CFAP92: variants seen among roughly 807,000 people sequenced by gnomAD.
The protein encoded by CFAP92 is uncharacterized protein CFAP92.
CFAP92 carries 86 observed loss-of-function variants against 106.3 expected under a neutral mutation model. The ratio of observed to expected loss-of-function variants is 0.81; its 90% confidence interval spans 0.68 to 0.97. The LOEUF is 0.97. CFAP92 is among the 50% of genes least tolerant of loss of function. The probability of loss-of-function intolerance (pLI) is 0.00; values close to 1 mark genes in which losing one functional copy is unlikely to be tolerated. For synonymous variants in CFAP92, 477 were observed against 506.4 expected (o/e 0.94, Z 0.78); for missense variants, 1,204 against 1,283.8 (o/e 0.94, Z 0.95).
intron 12 of CFAP92, among the ~76,000 whole-genome samples, chr3:128,924,516 C>G (rs1205435318): frequency 7.4e-6 from 1 of 135,550 alleles, no homozygotes; most frequent in Non-Finnish European, 1.5e-5. Context: ...GCGATCTTGG[C>G]TCACTGCAAC....
At chr3:129,008,949 C>G in the CFAP92 span, among the ~76,000 whole-genome samples, 1 of 148,876 alleles carries the variant, frequency 6.7e-6, no homozygotes, top group African/African-American at 2.5e-5. Context: ...TCAAATCCCA[C>G]AAAATAGTCC....
chr3:128,986,442 G>A (rs113045357), intron 4 of CFAP92, among the ~76,000 whole-genome samples: 31 of 151,752 alleles, frequency 2.0e-4, no homozygotes, highest in African/African-American at 7.0e-4. Context: ...GTCTTGCCAC[G>A]TTACCCAGGC....
chr3:128,965,331 G>A (rs1305033138), intron 9 of CFAP92, among the ~76,000 whole-genome samples, 180 bp downstream of exon 9: 1 of 152,134 alleles, frequency 6.6e-6, no homozygotes, highest in Non-Finnish European at 1.5e-5. Context: ...CCTGCACCCA[G>A]GTGAAATAAA....
At chr3:129,003,303 C>A (rs1007545316), upstream of CFAP92, 8 of 984,758 alleles carry the variant, frequency 8.1e-6, no homozygotes, top group African/African-American at 1.4e-4. Context: ...TTATTGAGCA[C>A]CTACTATGTG....
chr3:128,995,195 G>A (rs940412744), upstream of CFAP92, among the ~76,000 whole-genome samples: 2 of 152,216 alleles, frequency 1.3e-5, no homozygotes, highest in Non-Finnish European at 2.9e-5. Context: ...AAACTGTGGC[G>A]CAGCTGGGGC....
chr3:128,914,677 G>T (rs781351469), intron 15 of CFAP92: 2 of 163,022 alleles, frequency 1.2e-5, no homozygotes, highest in African/African-American at 4.8e-5. Context: ...CAAGACCTAC[G>T]TTTCCTGTCT....
At chr3:128,963,472 C>T (rs1008398556) in intron 9 of CFAP92, among the ~76,000 whole-genome samples, 11 of 152,244 alleles carry the variant, frequency 7.2e-5, no homozygotes, top group African/African-American at 2.6e-4. Context: ...TTCTGCTCCC[C>T]GGCTCCTTCA....
chr3:128,913,056 A>C (rs908280060), intron 15 of CFAP92: 2 of 455,336 alleles, frequency 4.4e-6, no homozygotes, highest in African/African-American at 4.0e-5. Flanking sequence ...AGGCACTTAA[A>C]ACATGTACCA....
upstream of CFAP92, among the ~76,000 whole-genome samples, chr3:128,998,897 C>T (rs1413784283): frequency 6.6e-6 from 1 of 152,216 alleles, no homozygotes; most frequent in Non-Finnish European, 1.5e-5. Context: ...GCAACCACTA[C>T]ACCATGAAGA....
intron 12 of CFAP92, among the ~76,000 whole-genome samples, chr3:128,932,303 A>G (rs925516962): frequency 2.6e-5 from 4 of 152,108 alleles, no homozygotes; most frequent in African/African-American, 9.7e-5. Flanking sequence ...TCCCTCTGTC[A>G]TGCAGATTAG....
chr3:128,994,107 C>A (rs554979921), upstream of CFAP92: 78 of 985,736 alleles, frequency 7.9e-5, no homozygotes, highest in South Asian at 2.9e-3. Flanking sequence ...CAGGGAGGGC[C>A]GCAGGCCCAG....
chr3:128,975,772 AACTT>A lies in CFAP92; in HGVS notation c.1021+3_1021+6del. On this transcript the variant is annotated splice_donor_5th_base_variant and intron_variant, in intron 7 of 15. Transcript: ENST00000645291. ...TTATAAAATTCCCAAATCCTATCCT[AACTT>A]ACTTTGAGACCTTTGTCTGTCTAAT... The A allele has an allele frequency of 6.3e-7, 1 of 1,579,474 alleles. No individual in the cohort carries two copies. The highest frequency in any genetic ancestry group is 8.6e-7 in the Non-Finnish European group (1 of 1,164,056).
chr3:128,949,995 T>C (rs1201083203), intron 9 of CFAP92, among the ~76,000 whole-genome samples: 2 of 152,194 alleles, frequency 1.3e-5, no homozygotes, highest in Non-Finnish European at 2.9e-5. Flanking sequence ...GCCTGATCTA[T>C]ACATAATTTT....
At chr3:129,017,358 CTT>C in the CFAP92 span, among the ~76,000 whole-genome samples, 1 of 152,240 alleles carries the variant, frequency 6.6e-6, no homozygotes, top group Admixed American at 6.5e-5. Context: ...TCACCACACT[CTT>C]AGTGACTTGA....
intron 2 of CFAP92, chr3:128,991,917 C>CTGGAA: frequency 1.0e-6 from 1 of 981,074 alleles, no homozygotes; most frequent in African/African-American, 1.7e-5. Flanking sequence ...TCATATTGGG[C>CTGGAA]TGGAACCATG....
intron 10 of CFAP92, among the ~76,000 whole-genome samples, chr3:128,944,157 T>C (rs551807757): frequency 1.3e-5 from 2 of 152,172 alleles, no homozygotes; most frequent in East Asian, 1.9e-4. Flanking sequence ...CTTGAACTCC[T>C]GGGCTCAAGT....
the CFAP92 span, among the ~76,000 whole-genome samples, chr3:129,009,754 C>T: frequency 1.3e-5 from 2 of 152,200 alleles, no homozygotes; most frequent in South Asian, 4.1e-4. Context: ...CCTGTGGCAG[C>T]TCAAGACTGT....
At chr3:128,971,478 T>C in intron 7 of CFAP92, 45 bp from the exon 8 acceptor site, 1 of 1,459,640 alleles carries the variant, frequency 6.9e-7, no homozygotes, top group Non-Finnish European at 9.3e-7. Context: ...GGAGACTGTA[T>C]CTGAGCTGCC....
chr3:128,976,759 C>G (rs1345192764), intron 6 of CFAP92, among the ~76,000 whole-genome samples: 1 of 152,206 alleles, frequency 6.6e-6, no homozygotes, highest in African/African-American at 2.4e-5. Context: ...ACAAAGTTAT[C>G]ATTATGAGGA....
Sources: allele counts gnomAD v4.1 joint callset (sites outside exome capture counted in the v4.1 genomes callset), GRCh38; gene constraint gnomAD v4.1.1; transcripts MANE v1.5; gene names NCBI Gene and HGNC (gene_info 2026-07-23, HGNC 2026-07-21).